Variants in PTPN4 observed in about 807,000 individuals in gnomAD.
PTPN4 encodes the protein tyrosine-protein phosphatase non-receptor type 4.
A neutral mutation model predicts 135.5 loss-of-function variants in PTPN4; 49 were observed. The observed-to-expected ratio is 0.36, with a 90% CI of 0.29 to 0.46. PTPN4 has a LOEUF of 0.46. Ranked by LOEUF, PTPN4 falls within the 20% of genes least tolerant of loss-of-function variation. The pLI is 1.00. For synonymous variants in PTPN4, 333 were observed against 369.9 expected (o/e 0.90, Z 1.14); for missense variants, 860 against 1,101.0 (o/e 0.78, Z 3.10).
chr2:119,975,325 A>G (rs1198869718), intron 26 of PTPN4, among the ~76,000 whole-genome samples: 2 of 152,068 alleles, frequency 1.3e-5, no homozygotes, highest in African/African-American at 2.4e-5. Flanking sequence ...TGTGTTGCCC[A>G]TGCTGGTCTT....
At chr2:119,881,089 T>G (rs1338093495) in intron 5 of PTPN4, among the ~76,000 whole-genome samples, 2 of 152,200 alleles carry the variant, frequency 1.3e-5, no homozygotes, top group African/African-American at 4.8e-5. Flanking sequence ...TGACAAATCT[T>G]TGAGTGGGTT....
At chr2:119,776,799 A>G (rs1690846218) in intron 1 of PTPN4, among the ~76,000 whole-genome samples, 1 of 152,248 alleles carries the variant, frequency 6.6e-6, no homozygotes, top group South Asian at 2.1e-4. Flanking sequence ...TGCATGTAAC[A>G]TACAAAATAT....
At chr2:119,895,737 C>T (rs900205076) in intron 9 of PTPN4, among the ~76,000 whole-genome samples, 83 of 152,072 alleles carry the variant, frequency 5.5e-4, no homozygotes, top group Non-Finnish European at 6.5e-4. Context: ...CTGGCTAACA[C>T]GGTGAAACCC....
chr2:119,926,671 G>A lies in PTPN4; in HGVS notation c.1070+5G>A. On this transcript the variant is annotated splice_donor_5th_base_variant and intron_variant, in intron 13 of 26. Coordinates refer to ENST00000263708, the MANE Select transcript of PTPN4 (RefSeq NM_002830.4). ...TAAAGACAGGGTATTTGCAAGGTAA[G>A]CCAAATCTGTTTCATTGTTTGAATT... 6.3e-7 allele frequency: 1 copy of A among 1,586,014 alleles called. No homozygotes were observed. The highest frequency in any genetic ancestry group is 1.2e-5 in the South Asian group (1 of 86,332).
intron 15 of PTPN4, among the ~76,000 whole-genome samples, chr2:119,944,759 T>C (rs916611533): frequency 1.3e-5 from 2 of 152,202 alleles, no homozygotes; most frequent in Non-Finnish European, 2.9e-5. Context: ...GCCTACCTTA[T>C]TCCTGGCTAC....
At chr2:119,883,208 A>G (rs941424503) in intron 8 of PTPN4, among the ~76,000 whole-genome samples, 6 of 152,136 alleles carry the variant, frequency 3.9e-5, no homozygotes, top group African/African-American at 1.4e-4. Flanking sequence ...TTTGTTTCAT[A>G]CACAGAATTA....
chr2:119,965,467 C>A (rs1259714737), intron 24 of PTPN4, 30 bp from the exon 25 acceptor site: 1 of 1,578,310 alleles, frequency 6.3e-7, no homozygotes, highest in South Asian at 1.2e-5. Flanking sequence ...ATACATAAGT[C>A]AAGGTGCATA....
At chr2:119,915,156 A>G (rs1025825519) in intron 10 of PTPN4, 23 bp from the exon 11 acceptor site, 8 of 1,492,196 alleles carry the variant, frequency 5.4e-6, no homozygotes, top group Non-Finnish European at 7.2e-6. Context: ...AATACTTTGA[A>G]TAATTTATTG....
chr2:119,793,683 A>G (rs905782529), intron 1 of PTPN4, among the ~76,000 whole-genome samples: 1 of 152,120 alleles, frequency 6.6e-6, no homozygotes, highest in African/African-American at 2.4e-5. Flanking sequence ...TGGGGAACTA[A>G]TAAATGTCCA....
At chr2:119,919,347 C>A (rs986059091) in intron 11 of PTPN4, among the ~76,000 whole-genome samples, 1 of 152,044 alleles carries the variant, frequency 6.6e-6, no homozygotes, top group African/African-American at 2.4e-5. Flanking sequence ...TATTTACAAT[C>A]TAGACAGATA....
intron 1 of PTPN4, among the ~76,000 whole-genome samples, chr2:119,761,438 T>A (rs1690498385): frequency 6.6e-6 from 1 of 152,146 alleles, no homozygotes. Context: ...TAGAGCTAGG[T>A]ATATCATCTA....
intron 1 of PTPN4, among the ~76,000 whole-genome samples, chr2:119,792,176 G>A (rs1691161719): frequency 6.6e-6 from 1 of 152,138 alleles, no homozygotes; most frequent in South Asian, 2.1e-4. Context: ...ATTTCAAAAG[G>A]ATTTTTAAAT....
intron 3 of PTPN4, among the ~76,000 whole-genome samples, chr2:119,870,347 GAATA>G (rs1574379576): frequency 6.6e-6 from 1 of 152,060 alleles, no homozygotes; most frequent in African/African-American, 2.4e-5. Context: ...TAGAAATTAT[GAATA>G]AATAGAGACA....
intron 2 of PTPN4, among the ~76,000 whole-genome samples, chr2:119,810,500 A>G (rs941008374): frequency 6.6e-6 from 1 of 152,222 alleles, no homozygotes; most frequent in African/African-American, 2.4e-5. Context: ...AACAGTAGTT[A>G]GTTCATTGTT....
intron 12 of PTPN4, among the ~76,000 whole-genome samples, chr2:119,923,866 G>A (rs989676393): frequency 2.6e-5 from 4 of 152,054 alleles, no homozygotes; most frequent in Admixed American, 2.0e-4. Flanking sequence ...GGCTGGGCAC[G>A]GTGGCTCACG....
chr2:119,881,591 A>C (rs1176925793), intron 5 of PTPN4, among the ~76,000 whole-genome samples, 195 bp from the exon 6 acceptor site: 1 of 152,238 alleles, frequency 6.6e-6, no homozygotes, highest in African/African-American at 2.4e-5. Context: ...AATTTCATAC[A>C]TCAAAGAGTT....
In PTPN4 at chr2:119,862,581, C is replaced by T. The variant is rs1317528901; in HGVS notation, c.184C>T (p.Leu62=). The T allele has an allele frequency of 1.2e-6, 2 of 1,612,486 alleles. No individual in the cohort carries two copies. Residue 62 remains leucine, a synonymous_variant, in exon 3 of 27, where the codon CTA becomes TTA. Coordinates refer to ENST00000263708, the MANE Select transcript of PTPN4 (RefSeq NM_002830.4). ...CTTGTTGGATGTCGTCTTCAAGCAT[C>T]TAGATTTGACTGAGCAGGACTATTT... ...QVLLDVVFKH[L]DLTEQDYFGL... is the part of the protein sequence containing the mutation.
At chr2:119,876,006 AC>A (rs1677977912) in intron 3 of PTPN4, among the ~76,000 whole-genome samples, 2 of 152,178 alleles carry the variant, frequency 1.3e-5, no homozygotes. Flanking sequence ...GCTGAGACTT[AC>A]GGATAATGAA....
chr2:119,896,415 C>G (rs1678324335), intron 9 of PTPN4, among the ~76,000 whole-genome samples: 1 of 152,184 alleles, frequency 6.6e-6, no homozygotes, highest in African/African-American at 2.4e-5. Context: ...CTGGATTTTA[C>G]TTGATCACAT....
Sources: allele counts gnomAD v4.1 joint callset (sites outside exome capture counted in the v4.1 genomes callset), GRCh38; gene constraint gnomAD v4.1.1; transcripts MANE v1.5; gene names NCBI Gene and HGNC (gene_info 2026-07-23, HGNC 2026-07-21).